Variants in BABAM2 observed in about 807,000 individuals in gnomAD.
The protein encoded by BABAM2 is BRISC and BRCA1-A complex member 2.
Under a neutral mutation model 54.7 loss-of-function variants are expected in BABAM2, and 31 were observed. The ratio of observed to expected loss-of-function variants is 0.57; its 90% CI spans 0.43 to 0.77. The LOEUF (loss-of-function observed/expected upper bound fraction) is 0.77. BABAM2 is among the 30% of genes least tolerant of loss of function. The pLI is 0.00. For synonymous variants in BABAM2, 167 were observed against 162.9 expected, an observed-to-expected ratio of 1.03 and a Z score of -0.19; for missense variants, 364 against 455.8, an observed-to-expected ratio of 0.80 and a Z score of 1.83.
intron 11 of BABAM2, among the ~76,000 whole-genome samples, chr2:28,314,503 C>T (rs546618557): frequency 2.0e-5 from 3 of 152,344 alleles, no homozygotes; most frequent in African/African-American, 7.2e-5. Flanking sequence ...CCTTGGTTGA[C>T]ACTCAGGTTT....
intron 6 of BABAM2, among the ~76,000 whole-genome samples, chr2:28,117,847 A>G (rs1375392993): frequency 6.6e-6 from 1 of 152,198 alleles, no homozygotes; most frequent in Non-Finnish European, 1.5e-5. Context: ...TCAGGCAAGC[A>G]ATATCACATA....
chr2:28,203,625 G>A (rs1558433337), intron 7 of BABAM2, among the ~76,000 whole-genome samples: 1 of 152,072 alleles, frequency 6.6e-6, no homozygotes, highest in South Asian at 2.1e-4. Flanking sequence ...AATATAGTAG[G>A]TTGTTTTGTG....
intron 2 of BABAM2, among the ~76,000 whole-genome samples, chr2:27,906,914 C>T (rs1480028715): frequency 2.0e-5 from 3 of 152,070 alleles, no homozygotes; most frequent in Non-Finnish European, 2.9e-5. Flanking sequence ...GACAAATTTA[C>T]AAAATGCTTT....
intron 7 of BABAM2, among the ~76,000 whole-genome samples, chr2:28,201,341 C>T (rs937481881): frequency 1.3e-5 from 2 of 152,016 alleles, no homozygotes; most frequent in African/African-American, 2.4e-5. Context: ...ACAAAAATAC[C>T]ATATGGCTAA....
In BABAM2 at chr2:27,902,487, T is replaced by G. The variant is rs540159978; in HGVS notation, c.128+7803T>G. Among the ~76,000 whole-genome samples, 7 of 152,326 alleles carry G rather than the reference T, an allele frequency of 4.6e-5. No individual in the cohort carries two copies. The South Asian group carries it at 1.5e-3, about 32-fold the overall frequency. Reference sequence around the variant, plus strand: ...TCTATTTTATTAGATATTGCCAGATTGAATCATTTTCCTTCCATCAGAAAT... The same window carrying G: ...TCTATTTTATTAGATATTGCCAGATGGAATCATTTTCCTTCCATCAGAAAT... On this transcript the variant is annotated intron_variant, in intron 2 of 11. Coordinates refer to ENST00000379624, the MANE Select transcript of BABAM2 (RefSeq NM_199191.3).
intron 10 of BABAM2, among the ~76,000 whole-genome samples, chr2:28,273,544 C>G (rs960001954): frequency 2.6e-5 from 4 of 152,104 alleles, no homozygotes; most frequent in Non-Finnish European, 5.9e-5. Flanking sequence ...CATAGTGAAA[C>G]CCCGTGTCTA....
At chr2:28,292,949 A>C (rs904137519) in intron 10 of BABAM2, among the ~76,000 whole-genome samples, 1 of 152,172 alleles carries the variant, frequency 6.6e-6, no homozygotes, top group Admixed American at 6.6e-5. Context: ...TTGGGAGTGA[A>C]TATCACTTAC....
chr2:28,178,164 G>A (rs1339471606), intron 7 of BABAM2, among the ~76,000 whole-genome samples: 1 of 151,964 alleles, frequency 6.6e-6, no homozygotes, highest in Non-Finnish European at 1.5e-5. Context: ...GACATCTACG[G>A]TATATTCTAC....
chr2:28,098,349 A>G (rs1018713795), intron 6 of BABAM2, among the ~76,000 whole-genome samples: 7 of 152,198 alleles, frequency 4.6e-5, no homozygotes, highest in Non-Finnish European at 7.3e-5. Context: ...GCTACGGCCC[A>G]TAGTATATAG....
intron 6 of BABAM2, among the ~76,000 whole-genome samples, chr2:28,052,373 C>T (rs971801867): frequency 1.3e-4 from 20 of 151,466 alleles, no homozygotes; most frequent in East Asian, 3.9e-4. Context: ...CTGCCACCTC[C>T]GCCTCTGGGA....
intron 6 of BABAM2, among the ~76,000 whole-genome samples, chr2:28,111,281 G>A (rs1235423179): frequency 1.3e-5 from 2 of 151,632 alleles, no homozygotes; most frequent in African/African-American, 2.4e-5. Context: ...ACACCCAGCC[G>A]GCTGTTTCTA....
At chr2:28,089,498 AC>A (rs1665976919) in intron 6 of BABAM2, among the ~76,000 whole-genome samples, 1 of 152,186 alleles carries the variant, frequency 6.6e-6, no homozygotes, top group African/African-American at 2.4e-5. Flanking sequence ...TTGGGCCAGA[AC>A]CTAAGTGATA....
At chr2:28,096,605 T>C (rs1405283085) in intron 6 of BABAM2, among the ~76,000 whole-genome samples, 2 of 152,268 alleles carry the variant, frequency 1.3e-5, no homozygotes, top group South Asian at 2.1e-4. Flanking sequence ...GTGGTTTACA[T>C]AGTTGCCATT....
intron 2 of BABAM2, among the ~76,000 whole-genome samples, chr2:27,918,466 G>A (rs751111769): frequency 5.9e-5 from 9 of 151,914 alleles, no homozygotes; most frequent in South Asian, 2.1e-4. Context: ...GTGTGTGTGT[G>A]TATATGTATA....
intron 3 of BABAM2, among the ~76,000 whole-genome samples, chr2:27,987,728 T>C (rs1672502845): frequency 6.6e-6 from 1 of 151,326 alleles, no homozygotes; most frequent in Non-Finnish European, 1.5e-5. Flanking sequence ...GATGGGAGAA[T>C]TGCTTGAGCC....
At chr2:28,071,976 T>C (rs1245356228) in intron 6 of BABAM2, among the ~76,000 whole-genome samples, 1 of 152,192 alleles carries the variant, frequency 6.6e-6, no homozygotes, top group Admixed American at 6.5e-5. Context: ...ATTTTGTATA[T>C]TTCATGACCC....
chr2:27,926,902 G>A (rs893374621), intron 2 of BABAM2, among the ~76,000 whole-genome samples: 3 of 151,950 alleles, frequency 2.0e-5, no homozygotes, highest in African/African-American at 7.3e-5. Flanking sequence ...AGGGTAATTA[G>A]CATATCCTCA....
At chr2:28,324,501 T>C (rs1410161883) in intron 11 of BABAM2, among the ~76,000 whole-genome samples, 1 of 152,006 alleles carries the variant, frequency 6.6e-6, no homozygotes, top group Non-Finnish European at 1.5e-5. Flanking sequence ...GGGCCAGGCA[T>C]GGTGGCTCAC....
At chr2:28,283,779 A>G (rs1409245273) in intron 10 of BABAM2, among the ~76,000 whole-genome samples, 1 of 152,208 alleles carries the variant, frequency 6.6e-6, no homozygotes, top group Non-Finnish European at 1.5e-5. Context: ...GCCCACTATC[A>G]GTATTGATAT....
Sources: allele counts gnomAD v4.1 joint callset (sites outside exome capture counted in the v4.1 genomes callset), GRCh38; gene constraint gnomAD v4.1.1; transcripts MANE v1.5; gene names NCBI Gene and HGNC (gene_info 2026-07-23, HGNC 2026-07-21).